The following VPS13A variants were observed in gnomAD, a reference collection of about 807,000 sequenced individuals.
VPS13A encodes vacuolar protein sorting 13 homolog A.
Under a neutral mutation model 390.9 loss-of-function variants are expected in VPS13A, and 264 were observed. That is an observed-to-expected ratio of 0.68 (90% CI 0.61 to 0.75). The LOEUF is 0.75. Among genes scored for constraint, VPS13A ranks in the 30% least tolerant of loss-of-function variants. The pLI, the probability that VPS13A is intolerant of heterozygous loss-of-function variation, is 0.00. For synonymous variants in VPS13A, 1,231 were observed against 1,227.1 expected, an observed-to-expected ratio of 1.00 and a Z score of -0.07; for missense variants, 3,409 against 3,733.9, an observed-to-expected ratio of 0.91 and a Z score of 2.27.
At chr9:77,284,555 A>C (rs1003764315) in intron 31 of VPS13A, among the ~76,000 whole-genome samples, 4 of 152,180 alleles carry the variant, frequency 2.6e-5, no homozygotes, top group Non-Finnish European at 4.4e-5. Context: ...AAAAATCATA[A>C]GTATCAGAGT....
intron 68 of VPS13A, among the ~76,000 whole-genome samples, chr9:77,383,237 G>T (rs1374291973): frequency 6.6e-6 from 1 of 151,924 alleles, no homozygotes; most frequent in Non-Finnish European, 1.5e-5. Context: ...TAACCATAGA[G>T]TTAATATGCA....
chr9:77,358,295 G>C (rs1725914280), intron 56 of VPS13A, 62 bp from the exon 57 acceptor site: 1 of 1,382,250 alleles, frequency 7.2e-7, no homozygotes. Context: ...CTCAAATCCT[G>C]TTATTCTGGT....
rs1416572631 is a variant in VPS13A at position 77,370,529 on chromosome 9, C to G, written c.8858C>G (p.Pro2953Arg). The change falls in exon 65 of 72, where the codon CCA becomes CGA. Residue 2953 changes from proline to arginine, a missense_variant. By Grantham distance (103) the Pro-to-Arg change is moderately radical. Coordinates refer to ENST00000360280, the MANE Select transcript of VPS13A (RefSeq NM_033305.3). ...QKRREAMNKQ[P>R]AGFREGITRG... is the part of the protein sequence containing the mutation. ...AGAAGAGAAGCCATGAATAAGCAAC[C>G]AGCTGGTTTTAGAGAAGGCATCACT... is the stretch of plus-strand genomic sequence containing the variant. 6.2e-7 allele frequency: 1 copy of G among 1,613,934 alleles called. No individual in the cohort carries two copies. The highest frequency in any genetic ancestry group is 1.7e-5 in the Admixed American group (1 of 59,988).
At chr9:77,232,281 C>G (rs892197189) in intron 17 of VPS13A, among the ~76,000 whole-genome samples, 1 of 152,168 alleles carries the variant, frequency 6.6e-6, no homozygotes, top group Non-Finnish European at 1.5e-5. Flanking sequence ...TGAGGATTCA[C>G]TTTTCCATTT....
intron 68 of VPS13A, among the ~76,000 whole-genome samples, chr9:77,390,799 C>T (rs1833868666): frequency 6.6e-6 from 1 of 151,978 alleles, no homozygotes; most frequent in East Asian, 1.9e-4. Flanking sequence ...CCACCTCAGC[C>T]TCCCAAGTAG....
Position 77,318,384 on chromosome 9 carries a change from A to G in VPS13A, c.5106A>G (p.Glu1702=), listed in dbSNP as rs1222721565. 11 of 1,613,932 alleles carry G rather than the reference A, an allele frequency of 6.8e-6. No individual in the cohort carries two copies. Among genetic ancestry groups the G allele is most frequent in the Non-Finnish European group, 9.3e-6 (11 of 1,179,892 alleles). Reference sequence around the variant, plus strand: ...CTTTAAAAATGTGGTTTCTTGAAGAATCAAATGAAACTGAAAAAATAGCTC... The same window carrying G: ...CTTTAAAAATGTGGTTTCTTGAAGAGTCAAATGAAACTGAAAAAATAGCTC... ...TKTLKMWFLE[E]SNETEKIAPT... Residue 1702 remains glutamate, a synonymous_variant, in exon 41 of 72, where the codon GAA becomes GAG. Transcript: ENST00000360280.
chr9:77,262,083 C>G (rs1168355105), intron 23 of VPS13A, among the ~76,000 whole-genome samples: 1 of 152,080 alleles, frequency 6.6e-6, no homozygotes, highest in Admixed American at 6.6e-5. Context: ...CTGTTCATGT[C>G]TTTTTTCTAT....
chr9:77,292,384 C>T (rs1827729207), intron 31 of VPS13A, among the ~76,000 whole-genome samples: 1 of 152,054 alleles, frequency 6.6e-6, no homozygotes, highest in Admixed American at 6.6e-5. Context: ...CCTGTTTGTC[C>T]TTAGATTTTT....
At chr9:77,299,651 A>G (rs1193561251) in intron 33 of VPS13A, among the ~76,000 whole-genome samples, 1 of 152,238 alleles carries the variant, frequency 6.6e-6, no homozygotes, top group Non-Finnish European at 1.5e-5. Flanking sequence ...ACTGTTCACA[A>G]TAGCAAATGC....
rs749828000 is a variant in VPS13A, at chr9:77,283,662, T to C, written c.3339+12T>C. ...CTATATACAAAAAGGTAAGAATTCT[T>C]TTAATTAAATAATAGTACATCATTA... On this transcript the variant is annotated intron_variant, in intron 31 of 71. Transcript: ENST00000360280. 1.7e-5 allele frequency: 27 copies of C among 1,550,526 alleles called. No individual in the cohort carries two copies. The highest frequency in any genetic ancestry group is 2.3e-5 in the Non-Finnish European group (26 of 1,130,268).
chr9:77,193,494 T>C (rs1398749682), intron 1 of VPS13A, among the ~76,000 whole-genome samples: 1 of 151,926 alleles, frequency 6.6e-6, no homozygotes, highest in African/African-American at 2.4e-5. Flanking sequence ...ATTAGCTGGG[T>C]GTGGTGGTGG....
chr9:77,326,532 C>T (rs372872525), intron 45 of VPS13A, among the ~76,000 whole-genome samples: 1 of 151,950 alleles, frequency 6.6e-6, no homozygotes, highest in Admixed American at 6.6e-5. Context: ...CTGCTATTGA[C>T]CCCATCTGAT....
Position 77,316,400 on chromosome 9 carries a change from C to G in VPS13A, c.4857C>G (p.Ile1619Met). The change falls in exon 39 of 72, where the codon ATC becomes ATG. Residue 1619 changes from isoleucine (I) to methionine (M), a missense_variant. Coordinates refer to ENST00000360280, the MANE Select transcript of VPS13A (RefSeq NM_033305.3). Reference sequence around the variant, plus strand: ...TTCCAGTCAAGAGAAAAGGCAAAATCACTACTGTGAGTTAACTATTTGATC... The same window carrying G: ...TTCCAGTCAAGAGAAAAGGCAAAATGACTACTGTGAGTTAACTATTTGATC... ...PFLPVKRKGKITTVLQPCDLF... is the reference protein window; with the variant it reads ...PFLPVKRKGKMTTVLQPCDLF... The G allele has an allele frequency of 6.2e-7, 1 of 1,611,404 alleles. No homozygotes were observed. Among genetic ancestry groups the G allele is most frequent in the Non-Finnish European group, 8.5e-7 (1 of 1,177,786 alleles).
chr9:77,345,727 C>G (rs1831112180), intron 52 of VPS13A, among the ~76,000 whole-genome samples: 1 of 152,006 alleles, frequency 6.6e-6, no homozygotes, highest in Non-Finnish European at 1.5e-5. Context: ...TTCTTTCTTT[C>G]TTTTCACCTG....
Position 77,357,740 on chromosome 9 carries a change from G to T in VPS13A, c.7855G>T (p.Val2619Leu), listed in dbSNP as rs937174510. 18 of 1,613,886 alleles carry T rather than the reference G, an allele frequency of 1.1e-5. No homozygotes were observed. Among genetic ancestry groups the T allele is most frequent in the Non-Finnish European group, 1.4e-5 (17 of 1,180,012 alleles). Residue 2619 changes from valine to leucine, a missense_variant, in exon 56 of 72, where the codon GTA becomes TTA. Val to Leu is a conservative substitution (Grantham distance 32). This residue lies in a region of VPS13A where 221 missense variants were observed against 300.7 expected (regional missense o/e 0.73). Transcript: ENST00000360280. ...TAACATGAAAATTCTGCAGCCGCAT[G>T]TAATAGCTCTACGAAGAAATTATCT... The part of the protein sequence containing the change: ...GHNMKILQPH[V>L]IALRRNYLPA...
chr9:77,247,500 G>C lies in VPS13A; in HGVS notation c.2037+105G>C. ...GTTTGATTTATTGCTTTTTTTCCTA[G>C]ATTTGTGGTAGATAAGTAAGATTTG... On this transcript the variant is annotated intron_variant, in intron 20 of 71. Coordinates refer to ENST00000360280, the MANE Select transcript of VPS13A (RefSeq NM_033305.3). The C allele has an allele frequency of 1.1e-5, 13 of 1,214,886 alleles. No homozygotes were observed. In the South Asian group the frequency reaches 1.9e-4, roughly 18 times the overall value. 75.3% of individuals were successfully genotyped at this position (1,214,886 alleles called of 1,614,324 possible). A position where few individuals can be genotyped will look rare whatever the true frequency, so the allele number is the denominator to read the frequency against.
In VPS13A at chr9:77,282,214, A is replaced by G. The variant is rs748058527; in HGVS notation, c.3058A>G (p.Lys1020Glu). 3.1e-6 allele frequency: 5 copies of G among 1,613,780 alleles called. No homozygotes were observed. The highest frequency in any genetic ancestry group is 2.2e-5 in the East Asian group (1 of 44,780). Residue 1020 changes from lysine to glutamate, a missense_variant, in exon 29 of 72, where the codon AAA becomes GAA. Coordinates refer to ENST00000360280, the MANE Select transcript of VPS13A (RefSeq NM_033305.3). The part of the protein sequence containing the change: ...LHNILPQSEE[K>E]SAPVSTTETE... ...TAATATCCTTCCGCAATCAGAGGAA[A>G]AATCAGCCCCAGTGTCCACTACAGA...
chr9:77,278,237 A>ATTTTTTTTTTTTTTT, intron 26 of VPS13A, among the ~76,000 whole-genome samples: 1 of 115,400 alleles, frequency 8.7e-6, no homozygotes, highest in Non-Finnish European at 1.7e-5. Flanking sequence ...CGCCCAGCTA[A>ATTTTTTTTTTTTTTT]TTTTTTTTTT....
intron 23 of VPS13A, 126 bp downstream of exon 23, chr9:77,260,350 A>ATTT: frequency 2.8e-6 from 2 of 712,312 alleles, no homozygotes; most frequent in African/African-American, 2.0e-5. Context: ...TAAGAAAATT[A>ATTT]CTTTTTTTTT....
Sources: gnomAD v4.1 joint callset for allele counts (sites outside exome capture counted in the v4.1 genomes callset) on GRCh38, gnomAD v4.1.1 for gene constraint, gnomAD v4.1.1 regional missense constraint, MANE v1.5 for transcripts, NCBI Gene and HGNC (gene_info 2026-07-23, HGNC 2026-07-21) for gene names.